Variants in DACH2 observed in about 807,000 individuals in gnomAD.
DACH2 encodes dachshund family transcription factor 2, also known as dachshund homolog 2.
In DACH2, 17 loss-of-function variants were observed where a neutral mutation model predicts 35.8. That is an observed-to-expected ratio of 0.48 (90% CI 0.33 to 0.71). The LOEUF is 0.71. Among genes scored for constraint, DACH2 ranks in the 30% least tolerant of loss-of-function variants. DACH2 has a pLI of 0.02. For missense variants in DACH2, 469 were observed against 472.7 expected, an observed-to-expected ratio of 0.99 and a Z score of 0.07; for synonymous variants, 195 against 177.3, an observed-to-expected ratio of 1.10 and a Z score of -0.79.
At chrX:86,685,044 T>C (rs2040925514) in intron 4 of DACH2, among the ~76,000 whole-genome samples, 1 of 111,914 alleles carries the variant, frequency 8.9e-6, no homozygotes, top group East Asian at 2.8e-4. Context: ...CTGATGACCT[T>C]TACAATATTT....
intron 7 of DACH2, among the ~76,000 whole-genome samples, chrX:86,791,665 A>G (rs1261245948): frequency 8.9e-6 from 1 of 111,762 alleles, no homozygotes; most frequent in African/African-American, 3.2e-5. Flanking sequence ...TCAAATGTTC[A>G]TATGACTTTC....
At chrX:86,637,397 T>C (rs7876994) in intron 3 of DACH2, among the ~76,000 whole-genome samples, 11,292 of 108,973 alleles carry the variant, frequency 0.1, 638 homozygotes, top group African/African-American at 0.21. Flanking sequence ...CATTAGAGGA[T>C]TGCTGTGTTG....
At chrX:86,515,565 GA>G (rs1334059464) in intron 3 of DACH2, among the ~76,000 whole-genome samples, 2 of 111,466 alleles carry the variant, frequency 1.8e-5, no homozygotes, top group African/African-American at 6.5e-5. Context: ...GCCAGCTTCT[GA>G]AACCAGTTTT....
intron 1 of DACH2, among the ~76,000 whole-genome samples, chrX:86,217,757 GAAAC>G (rs1300210855): frequency 9.0e-6 from 1 of 111,134 alleles, no homozygotes; most frequent in East Asian, 2.8e-4. Flanking sequence ...TTAAGAAAAA[GAAAC>G]AAATATTTTA....
At chrX:86,293,013 G>A (rs1362556526) in intron 1 of DACH2, among the ~76,000 whole-genome samples, 7 of 99,690 alleles carry the variant, frequency 7.0e-5, no homozygotes, top group African/African-American at 1.5e-4. Context: ...TCTGTCTAAT[G>A]TTGACAGTGG....
At chrX:86,257,447 C>A (rs375280771) in intron 1 of DACH2, among the ~76,000 whole-genome samples, 2 of 105,898 alleles carry the variant, frequency 1.9e-5, no homozygotes, top group South Asian at 8.0e-4. Context: ...GAACCAATTT[C>A]TTTTTTTTTT....
At chrX:86,171,983 TACTA>T (rs975604361) in intron 1 of DACH2, among the ~76,000 whole-genome samples, 9 of 112,017 alleles carry the variant, frequency 8.0e-5, no homozygotes, top group Admixed American at 6.6e-4. Context: ...TTGTATTCAG[TACTA>T]ACTAAGTTCG....
Position 86,768,756 on chromosome X carries a change from C to T in DACH2, c.1240+28874C>T, listed in dbSNP as rs779789216. 9.9e-5 allele frequency among the ~76,000 whole-genome samples: 11 copies of T among 111,090 alleles called. No individual in the cohort carries two copies. In the East Asian group the frequency reaches 3.1e-3, roughly 31 times the overall value. ...TTGGTCCTGTTACCCAAATAGTGAA[C>T]ATAAAACCCAACAGAAAACTTTTGG... On this transcript the variant is annotated intron_variant, in intron 7 of 11. Transcript: ENST00000373125.
intron 1 of DACH2, among the ~76,000 whole-genome samples, chrX:86,312,690 C>A (rs1053094408): frequency 6.3e-5 from 7 of 111,874 alleles, no homozygotes; most frequent in Admixed American, 1.9e-4. Context: ...TACATTTTCT[C>A]CCTTGCTGGA....
chrX:86,409,675 G>A (rs576882515), intron 2 of DACH2, among the ~76,000 whole-genome samples: 9 of 111,616 alleles, frequency 8.1e-5, no homozygotes, highest in Non-Finnish European at 1.1e-4. Flanking sequence ...CTATAGAACC[G>A]TGAACCAATC....
At chrX:86,496,853 T>C (rs919903686) in intron 2 of DACH2, among the ~76,000 whole-genome samples, 1 of 111,380 alleles carries the variant, frequency 9.0e-6, no homozygotes, top group African/African-American at 3.3e-5. Flanking sequence ...AGGATTCACT[T>C]GCAAAGAGGA....
At chrX:86,586,257 GTTGT>G (rs2039568936) in intron 3 of DACH2, among the ~76,000 whole-genome samples, 1 of 111,041 alleles carries the variant, frequency 9.0e-6, no homozygotes, top group Admixed American at 9.6e-5. Flanking sequence ...TTTTAATGGG[GTTGT>G]TTGTTTTTTA....
intron 2 of DACH2, among the ~76,000 whole-genome samples, chrX:86,379,102 TAAG>T (rs1261722565): frequency 9.0e-6 from 1 of 111,479 alleles, no homozygotes; most frequent in Non-Finnish European, 1.9e-5. Context: ...TTTGTTTTAA[TAAG>T]AAGAAAGCCA....
intron 2 of DACH2, among the ~76,000 whole-genome samples, chrX:86,425,900 C>T: frequency 9.0e-6 from 1 of 110,944 alleles, no homozygotes; most frequent in Non-Finnish European, 1.9e-5. Flanking sequence ...AGTAGAAGAA[C>T]AAGTGTGCCT....
At chrX:86,810,847 C>T (rs2042388093) in intron 7 of DACH2, among the ~76,000 whole-genome samples, 1 of 110,167 alleles carries the variant, frequency 9.1e-6, no homozygotes, top group African/African-American at 3.3e-5. Flanking sequence ...CTACCACTGA[C>T]TTTATAAAAA....
At chrX:86,763,080 T>G (rs2041899119) in intron 7 of DACH2, among the ~76,000 whole-genome samples, 1 of 111,728 alleles carries the variant, frequency 9.0e-6, no homozygotes, top group Non-Finnish European at 1.9e-5. Context: ...GTGCCTGGCT[T>G]ATTTCACTTA....
At chrX:86,595,483 A>G (rs1309485976) in intron 3 of DACH2, among the ~76,000 whole-genome samples, 2 of 110,678 alleles carry the variant, frequency 1.8e-5, no homozygotes, top group Non-Finnish European at 3.8e-5. Flanking sequence ...CTTTTAATCT[A>G]TTTCTGTCTT....
rs143258107 is a variant in DACH2, at chrX:86,451,452, T to C, written c.528-62827T>C. 3.7e-4 allele frequency among the ~76,000 whole-genome samples: 41 copies of C among 111,789 alleles called. No individual in the cohort carries two copies. In the East Asian group the frequency reaches 0.01, roughly 28 times the overall value. On this transcript the variant is annotated intron_variant, in intron 2 of 11. Coordinates refer to ENST00000373125, the MANE Select transcript of DACH2 (RefSeq NM_053281.3). ...TTGTACTAGTGCCAGGCTGTTTTGGTTGCTGTAGGCTTGTAGCATAGTTTG... is the reference window on the plus strand; with the variant it reads ...TTGTACTAGTGCCAGGCTGTTTTGGCTGCTGTAGGCTTGTAGCATAGTTTG...
intron 1 of DACH2, among the ~76,000 whole-genome samples, chrX:86,181,154 G>GTCTATCTATCTATCTA (rs370859606): frequency 0.01 from 1,025 of 101,473 alleles, 7 homozygotes; most frequent in African/African-American, 0.012. Flanking sequence ...ATGTCTGACT[G>GTCTATCTATCTATCTA]TCTATCTATC....
Sources: gnomAD v4.1 joint callset for allele counts (sites outside exome capture counted in the v4.1 genomes callset) on GRCh38, gnomAD v4.1.1 for gene constraint, MANE v1.5 for transcripts, NCBI Gene and HGNC (gene_info 2026-07-23, HGNC 2026-07-21) for gene names.